Variants in TRDN observed in about 807,000 individuals in gnomAD.
The protein encoded by TRDN is triadin in skeletal muscle.
TRDN carries 161 observed loss-of-function variants against 149.7 expected under a neutral mutation model. The observed-to-expected ratio is 1.08, with a 90% CI of 0.95 to 1.23. The LOEUF is 1.23. Among genes scored for constraint, TRDN ranks in the 50% most tolerant of loss-of-function variants. TRDN has a pLI of 0.00. For missense variants in TRDN, 896 were observed against 823.5 expected (o/e 1.09, Z -1.08); for synonymous variants, 294 against 250.5 (o/e 1.17, Z -1.64).
chr6:123,293,065 T>C (rs1054054063), intron 24 of TRDN, among the ~76,000 whole-genome samples: 5 of 152,140 alleles, frequency 3.3e-5, no homozygotes, highest in Non-Finnish European at 7.4e-5. Context: ...TAGTAAATAT[T>C]TCAACAATTA....
chr6:123,395,207 T>C (rs537134342), intron 12 of TRDN, among the ~76,000 whole-genome samples: 14 of 152,280 alleles, frequency 9.2e-5, no homozygotes, highest in South Asian at 2.1e-4. Flanking sequence ...TTTCCTCTTA[T>C]CTTCTCCTTT....
intron 20 of TRDN, among the ~76,000 whole-genome samples, chr6:123,359,314 G>C (rs1479424581): frequency 6.6e-6 from 1 of 152,170 alleles, no homozygotes; most frequent in Non-Finnish European, 1.5e-5. Flanking sequence ...CATGTCTAAA[G>C]ATGAAGTTGG....
chr6:123,458,343 T>A (rs1033745703), intron 10 of TRDN, among the ~76,000 whole-genome samples: 1 of 152,234 alleles, frequency 6.6e-6, no homozygotes, highest in Admixed American at 6.5e-5. Context: ...AAGGTAGTTT[T>A]TAGATGTAAT....
rs550023501 is a variant in TRDN at position 123,433,946 on chromosome 6, G to A, written c.1051+4117C>T. On this transcript the variant is annotated intron_variant, in intron 12 of 40. Coordinates refer to ENST00000334268, the MANE Select transcript of TRDN (RefSeq NM_006073.4). ...TATAATCTAATCAAGTAGGTGAAAC[G>A]TTATTTCTTCAAAAATATCACCTTG... The A allele has an allele frequency of 5.9e-5, 9 of 152,230 alleles. No individual in the cohort carries two copies. In the East Asian group the frequency reaches 9.6e-4, roughly 16 times the overall value. The allele number at this position is 152,230 out of a possible 1,614,324, so 9.4% of individuals were successfully genotyped here.
chr6:123,252,668 GA>G (rs1057458519), intron 37 of TRDN, among the ~76,000 whole-genome samples: 10 of 152,066 alleles, frequency 6.6e-5, no homozygotes, highest in African/African-American at 2.2e-4. Flanking sequence ...AAGATGACAT[GA>G]AGTGGTACAA....
At chr6:123,588,524 G>A (rs912732299) in intron 1 of TRDN, among the ~76,000 whole-genome samples, 2 of 152,122 alleles carry the variant, frequency 1.3e-5, no homozygotes, top group Non-Finnish European at 2.9e-5. Context: ...GGGATTTAGA[G>A]TTTTATTTTT....
chr6:123,591,128 T>C (rs1046080211), intron 1 of TRDN, among the ~76,000 whole-genome samples: 1 of 152,228 alleles, frequency 6.6e-6, no homozygotes, highest in Admixed American at 6.5e-5. Context: ...AACAAATCCA[T>C]AGAGTATTTT....
intron 9 of TRDN, among the ~76,000 whole-genome samples, chr6:123,469,299 C>T (rs746348733): frequency 6.6e-6 from 1 of 152,172 alleles, no homozygotes; most frequent in Non-Finnish European, 1.5e-5. Flanking sequence ...CCTTGACCTT[C>T]ATGCTTCCTT....
chr6:123,542,596 A>C (rs1583215392), intron 4 of TRDN, among the ~76,000 whole-genome samples: 1 of 152,180 alleles, frequency 6.6e-6, no homozygotes, highest in East Asian at 1.9e-4. Context: ...ATGGAGGTTT[A>C]AGTGAGAATA....
chr6:123,477,761 G>C (rs1397510090), intron 9 of TRDN, among the ~76,000 whole-genome samples: 1 of 152,056 alleles, frequency 6.6e-6, no homozygotes, highest in East Asian at 1.9e-4. Context: ...CCTTTGTAGG[G>C]ACATGGATGA....
At chr6:123,261,621 C>T (rs370368971) in intron 33 of TRDN, among the ~76,000 whole-genome samples, 3 of 151,374 alleles carry the variant, frequency 2.0e-5, no homozygotes, top group South Asian at 2.1e-4. Flanking sequence ...TTTCTACAAA[C>T]GTGGTATCAG....
rs1224819951 is a variant in TRDN, at chr6:123,548,679, C to T, written c.233-67G>A. 5 of 1,208,190 alleles carry T rather than the reference C, an allele frequency of 4.1e-6. No homozygotes were observed. In the East Asian group the frequency reaches 1.2e-4, roughly 30 times the overall value. 74.8% of individuals were successfully genotyped at this position (1,208,190 alleles called of 1,614,324 possible). A position where few individuals can be genotyped will look rare whatever the true frequency, so the allele number is the denominator to read the frequency against. The stretch of plus-strand genomic sequence containing the variant: ...TCATTTCCAAATAACTTAAGAAAAG[C>T]TGTTTTTACTGATTTGTTGTTTTGA... On this transcript the variant is annotated intron_variant, in intron 2 of 40. Coordinates refer to ENST00000334268, the MANE Select transcript of TRDN (RefSeq NM_006073.4).
chr6:123,346,033 T>A (rs1004789430), intron 21 of TRDN, among the ~76,000 whole-genome samples: 2 of 152,070 alleles, frequency 1.3e-5, no homozygotes, highest in Non-Finnish European at 2.9e-5. Context: ...TTTCTTATAT[T>A]GTTGCATTCG....
At chr6:123,352,444 G>A (rs1446927748) in intron 21 of TRDN, 95 bp downstream of exon 21, 20 of 1,541,626 alleles carry the variant, frequency 1.3e-5, no homozygotes, top group Middle Eastern at 3.5e-4. Flanking sequence ...AGACTTAAAG[G>A]TTATTGTCTT....
intron 1 of TRDN, among the ~76,000 whole-genome samples, chr6:123,576,605 A>G (rs1252658003): frequency 6.6e-6 from 1 of 151,952 alleles, no homozygotes; most frequent in Admixed American, 6.6e-5. Context: ...TAAGGTCACT[A>G]ATTCCATTCA....
At chr6:123,232,686 T>C (rs189740299) in intron 38 of TRDN, among the ~76,000 whole-genome samples, 18 of 152,100 alleles carry the variant, frequency 1.2e-4, no homozygotes, top group African/African-American at 3.1e-4. Flanking sequence ...TGCTTCTTGA[T>C]ATGAGAATGG....
intron 38 of TRDN, among the ~76,000 whole-genome samples, chr6:123,231,112 C>T (rs920078084): frequency 6.6e-6 from 1 of 151,922 alleles, no homozygotes; most frequent in Non-Finnish European, 1.5e-5. Flanking sequence ...ACATCAAGAC[C>T]CTCACTCTTT....
intron 24 of TRDN, among the ~76,000 whole-genome samples, chr6:123,299,356 A>T (rs1269036514): frequency 6.6e-6 from 1 of 152,034 alleles, no homozygotes; most frequent in African/African-American, 2.4e-5. Flanking sequence ...TATTTGTCTC[A>T]GGTTTGCTAT....
chr6:123,383,949 A>T (rs769800730), intron 14 of TRDN, among the ~76,000 whole-genome samples: 10 of 152,172 alleles, frequency 6.6e-5, no homozygotes, highest in Non-Finnish European at 1.5e-4. Flanking sequence ...TGTGTCCAGC[A>T]CACTACAATG....
Sources: allele counts gnomAD v4.1 joint callset (sites outside exome capture counted in the v4.1 genomes callset), GRCh38; gene constraint gnomAD v4.1.1; transcripts MANE v1.5; gene names NCBI Gene and HGNC (gene_info 2026-07-23, HGNC 2026-07-21).